Variants in ROBO2 observed in about 807,000 individuals in gnomAD.
ROBO2 encodes the protein roundabout guidance receptor 2.
In ROBO2, 53 loss-of-function variants were observed where a neutral mutation model predicts 160.8. The ratio of observed to expected loss-of-function variants is 0.33; its 90% CI spans 0.26 to 0.41. The LOEUF is 0.41. ROBO2 is among the 10% of genes least tolerant of loss of function. The pLI is 1.00. For missense variants in ROBO2, 1,577 were observed against 1,722.4 expected, an observed-to-expected ratio of 0.92 and a Z score of 1.49; for synonymous variants, 664 against 611.7, an observed-to-expected ratio of 1.09 and a Z score of -1.26.
chr3:76,555,403 A>G (rs1296908928), intron 2 of ROBO2, among the ~76,000 whole-genome samples: 20 of 71,872 alleles, frequency 2.8e-4, no homozygotes, highest in African/African-American at 5.8e-4. Context: ...GAAGAAGAAG[A>G]AGAAGAAGAA....
At chr3:76,134,848 A>G (rs889190471) in intron 2 of ROBO2, among the ~76,000 whole-genome samples, 1 of 152,102 alleles carries the variant, frequency 6.6e-6, no homozygotes, top group Non-Finnish European at 1.5e-5. Flanking sequence ...AGAAGCACCT[A>G]TATGGTCTCT....
At chr3:77,180,416 C>CTCTCTCTCTCTATATATATATATATATA (rs1433740534) in intron 2 of ROBO2, among the ~76,000 whole-genome samples, 42 of 90,704 alleles carry the variant, frequency 4.6e-4, no homozygotes, top group Non-Finnish European at 8.0e-4. Flanking sequence ...CTCTCTCTCT[C>CTCTCTCTCTCTATATATATATATATATA]TATATATATA....
chr3:75,977,203 C>T (rs2065155858), intron 2 of ROBO2, among the ~76,000 whole-genome samples: 1 of 151,466 alleles, frequency 6.6e-6, no homozygotes, highest in Non-Finnish European at 1.5e-5. Flanking sequence ...CTCTGTCTCA[C>T]AATTGTCCCT....
At chr3:76,079,284 C>G (rs2068740524) in intron 2 of ROBO2, among the ~76,000 whole-genome samples, 1 of 151,942 alleles carries the variant, frequency 6.6e-6, no homozygotes, top group Non-Finnish European at 1.5e-5. Flanking sequence ...TTCAAAATAA[C>G]TAGAAGAGTG....
At chr3:76,997,986 A>C (rs572358387) in intron 2 of ROBO2, among the ~76,000 whole-genome samples, 1 of 152,212 alleles carries the variant, frequency 6.6e-6, no homozygotes, top group Admixed American at 6.6e-5. Flanking sequence ...GGGAGCACAA[A>C]AGAACATAAA....
chr3:75,949,787 A>C (rs1006273614), intron 2 of ROBO2, among the ~76,000 whole-genome samples: 2 of 151,830 alleles, frequency 1.3e-5, no homozygotes, highest in Non-Finnish European at 2.9e-5. Flanking sequence ...TCTACATTCC[A>C]CAGATGACCC....
chr3:77,161,414 A>G lies in ROBO2; in HGVS notation c.388+63074A>G, dbSNP rs1427838162. 2.6e-5 allele frequency among the ~76,000 whole-genome samples: 4 copies of G among 152,316 alleles called. No homozygotes were observed. In the East Asian group the frequency reaches 7.7e-4, roughly 29 times the overall value. On this transcript the variant is annotated intron_variant, in intron 2 of 25. Coordinates refer to ENST00000461745, the Ensembl canonical transcript of ROBO2. ...AAATGTCTCTGATGACCACTCTTCA[A>G]GCAATGTTTGGACTCTTTATTAAGG...
chr3:76,370,887 G>A (rs1010563755), intron 2 of ROBO2, among the ~76,000 whole-genome samples: 8 of 151,882 alleles, frequency 5.3e-5, no homozygotes, highest in Non-Finnish European at 1.0e-4. Flanking sequence ...GGCCAGGTGC[G>A]GACTCATATG....
intron 2 of ROBO2, among the ~76,000 whole-genome samples, chr3:76,926,057 A>G (rs1377373550): frequency 6.6e-6 from 1 of 152,126 alleles, no homozygotes; most frequent in Non-Finnish European, 1.5e-5. Context: ...TAATATGATG[A>G]CTTTAACTCC....
At chr3:77,466,116 G>A (rs2082735733) in intron 2 of ROBO2, among the ~76,000 whole-genome samples, 1 of 152,074 alleles carries the variant, frequency 6.6e-6, no homozygotes, top group Non-Finnish European at 1.5e-5. Context: ...AAGTGATAGA[G>A]CTATTTTTAA....
At position 77,321,201 on chromosome 3, in the gene ROBO2, T is replaced by C. The variant is rs559512039; in HGVS notation, c.389-156213T>C. 2.6e-5 allele frequency among the ~76,000 whole-genome samples: 4 copies of C among 152,244 alleles called. No homozygotes were observed. The East Asian group carries it at 7.7e-4, about 29-fold the overall frequency. On this transcript the variant is annotated intron_variant, in intron 2 of 25. Coordinates refer to ENST00000461745, the Ensembl canonical transcript of ROBO2. Reference sequence around the variant, plus strand: ...CGCATAAATTTGGGTGGTGGGCATATTGCTGTACTTCTCTGTGTATTAGAA... The same window carrying C: ...CGCATAAATTTGGGTGGTGGGCATACTGCTGTACTTCTCTGTGTATTAGAA...
chr3:77,576,671 GAA>G (rs1490039448), intron 14 of ROBO2, among the ~76,000 whole-genome samples: 8 of 152,056 alleles, frequency 5.3e-5, no homozygotes, highest in African/African-American at 1.9e-4. Flanking sequence ...AGTTATAGGA[GAA>G]ACTATAAAGG....
intron 1 of ROBO2, among the ~76,000 whole-genome samples, chr3:75,924,232 T>G (rs1343503724): frequency 6.6e-5 from 10 of 152,240 alleles, no homozygotes; most frequent in South Asian, 2.1e-4. Flanking sequence ...GCTAATCACC[T>G]GACCTTAAAA....
chr3:76,825,840 A>G (rs1443942055), intron 2 of ROBO2, among the ~76,000 whole-genome samples: 1 of 152,012 alleles, frequency 6.6e-6, no homozygotes, highest in South Asian at 2.1e-4. Context: ...TTAACGTAAC[A>G]GATTCCTAAA....
chr3:76,580,652 A>G (rs1392643785), intron 2 of ROBO2, among the ~76,000 whole-genome samples: 1 of 152,056 alleles, frequency 6.6e-6, no homozygotes, highest in Non-Finnish European at 1.5e-5. Flanking sequence ...ATATGTCATT[A>G]TCTGAAAAAT....
At chr3:76,466,029 GTA>G (rs1491141120) in intron 2 of ROBO2, among the ~76,000 whole-genome samples, 3 of 146,316 alleles carry the variant, frequency 2.1e-5, no homozygotes, top group Admixed American at 1.4e-4. Context: ...GTGTGTGTGT[GTA>G]TGTAAAATTG....
chr3:76,913,220 T>C (rs1247492281), intron 2 of ROBO2, among the ~76,000 whole-genome samples: 2 of 152,126 alleles, frequency 1.3e-5, no homozygotes, highest in African/African-American at 2.4e-5. Flanking sequence ...CCCGAGTTGA[T>C]AGATGAGTGA....
intron 2 of ROBO2, among the ~76,000 whole-genome samples, chr3:76,805,307 T>C (rs2064592223): frequency 6.6e-6 from 1 of 152,074 alleles, no homozygotes; most frequent in Non-Finnish European, 1.5e-5. Flanking sequence ...CTTAATACTT[T>C]TACAGCTGGG....
chr3:76,348,247 CA>C (rs2074654810), intron 2 of ROBO2, among the ~76,000 whole-genome samples: 1 of 152,120 alleles, frequency 6.6e-6, no homozygotes, highest in African/African-American at 2.4e-5. Flanking sequence ...TGGGGAAGAA[CA>C]AAGATTGGGT....
Sources: gnomAD v4.1 joint callset for allele counts (sites outside exome capture counted in the v4.1 genomes callset) on GRCh38, gnomAD v4.1.1 for gene constraint, MANE v1.5 for transcripts, NCBI Gene and HGNC (gene_info 2026-07-23, HGNC 2026-07-21) for gene names.